The following STPG2 variants were observed in gnomAD, a reference collection of about 807,000 sequenced individuals.
STPG2 encodes sperm-tail PG-rich repeat-containing protein 2.
In STPG2, 56 loss-of-function variants were observed where a neutral mutation model predicts 54.2. The observed-to-expected ratio is 1.03, with a 90% CI of 0.83 to 1.29. The LOEUF (loss-of-function observed/expected upper bound fraction) is 1.29, where lower values mean the gene tolerates loss of function less well. STPG2 is among the 50% of genes most tolerant of loss of function. STPG2 has a pLI of 0.00. For synonymous variants in STPG2, 200 were observed against 181.8 expected, an observed-to-expected ratio of 1.10 and a Z score of -0.81; for missense variants, 596 against 544.9, an observed-to-expected ratio of 1.09 and a Z score of -0.93.
chr4:98,088,505 C>T (rs1738592710), intron 5 of STPG2, among the ~76,000 whole-genome samples: 2 of 151,914 alleles, frequency 1.3e-5, no homozygotes, highest in Admixed American at 1.3e-4. Context: ...AAAATACTCA[C>T]TTCAATAAAT....
chr4:97,894,329 C>T (rs1322894786), intron 8 of STPG2, among the ~76,000 whole-genome samples: 1 of 151,894 alleles, frequency 6.6e-6, no homozygotes, highest in Non-Finnish European at 1.5e-5. Flanking sequence ...CAATTTTCCT[C>T]ACAACATTCA....
chr4:97,704,175 G>C (rs923884532), intron 10 of STPG2, among the ~76,000 whole-genome samples: 8 of 151,964 alleles, frequency 5.3e-5, no homozygotes, highest in African/African-American at 1.5e-4. Flanking sequence ...TCAGTATTTT[G>C]AATACTCTGT....
At chr4:97,664,623 A>G (rs1435796555) in intron 10 of STPG2, among the ~76,000 whole-genome samples, 1 of 152,170 alleles carries the variant, frequency 6.6e-6, no homozygotes, top group Non-Finnish European at 1.5e-5. Context: ...ATTTTTAAGA[A>G]GTTTCCTTGT....
intron 4 of STPG2, among the ~76,000 whole-genome samples, chr4:97,456,552 G>T (rs76120284): frequency 0.096 from 14,602 of 151,990 alleles, 874 homozygotes; most frequent in South Asian, 0.19. Context: ...TACTGACAAA[G>T]GAATGTTATA....
intron 7 of STPG2, among the ~76,000 whole-genome samples, chr4:97,966,631 G>A (rs1454588689): frequency 1.3e-5 from 2 of 152,116 alleles, no homozygotes; most frequent in Non-Finnish European, 2.9e-5. Flanking sequence ...GAGAAAGGTC[G>A]GGTTACCCAC....
At chr4:97,954,163 G>C (rs929174699) in intron 7 of STPG2, among the ~76,000 whole-genome samples, 9 of 152,100 alleles carry the variant, frequency 5.9e-5, no homozygotes, top group African/African-American at 1.9e-4. Flanking sequence ...GTTTACAAAA[G>C]ACCACATTTC....
At chr4:98,002,907 A>T (rs190067345) in intron 5 of STPG2, among the ~76,000 whole-genome samples, 168 of 152,234 alleles carry the variant, frequency 1.1e-3, no homozygotes, top group African/African-American at 3.9e-3. Flanking sequence ...CCAGCCATAC[A>T]TTTTTAAATT....
chr4:98,066,212 A>T lies in STPG2; in HGVS notation c.612+39741T>A, dbSNP rs111284571. Reference sequence around the variant, plus strand: ...GCAAATGTCATCCAACCTGACTCTCATAAAAGGAAAATTCAGTATGGGATA... The same window carrying T: ...GCAAATGTCATCCAACCTGACTCTCTTAAAAGGAAAATTCAGTATGGGATA... On this transcript the variant is annotated intron_variant, in intron 5 of 10. Transcript: ENST00000295268. Among the ~76,000 whole-genome samples the T allele has an allele frequency of 5.8e-3, 891 of 152,332 alleles. 6 individuals are homozygous for T. The highest frequency in any genetic ancestry group is 0.02 in the Middle Eastern group (6 of 294).
At chr4:97,917,325 T>A (rs1278957439) in intron 8 of STPG2, 1 of 152,220 alleles carries the variant, frequency 6.6e-6, no homozygotes, top group Non-Finnish European at 1.5e-5. Context: ...AGCGCGGTAG[T>A]GCCGGCCGCA....
At chr4:97,937,294 T>A (rs1254506193) in intron 8 of STPG2, among the ~76,000 whole-genome samples, 4 of 152,048 alleles carry the variant, frequency 2.6e-5, no homozygotes, top group Non-Finnish European at 5.9e-5. Flanking sequence ...TTTATCATGG[T>A]TCTCAGCTTC....
At chr4:97,901,359 T>A (rs1213282690) in intron 8 of STPG2, among the ~76,000 whole-genome samples, 1 of 151,744 alleles carries the variant, frequency 6.6e-6, no homozygotes, top group Non-Finnish European at 1.5e-5. Flanking sequence ...AAAAAAATAA[T>A]AAAAGGCATC....
In STPG2 at chr4:97,908,938, C is replaced by T. The variant is rs1210814237; in HGVS notation, c.1044+34959G>A. ...CTAGATGACAAGTTAGTGGGTGCAG[C>T]GCACCAGCATGGCACATGTATACAT... On this transcript the variant is annotated intron_variant, in intron 8 of 10. Transcript: ENST00000295268. Among the ~76,000 whole-genome samples the T allele has an allele frequency of 1.2e-4, 18 of 150,880 alleles. No individual in the cohort carries two copies. The East Asian group carries it at 1.8e-3, about 15-fold the overall frequency.
At chr4:97,806,401 C>T (rs1238227175) in intron 9 of STPG2, among the ~76,000 whole-genome samples, 3 of 152,220 alleles carry the variant, frequency 2.0e-5, no homozygotes, top group African/African-American at 7.2e-5. Context: ...GAAAAACAAT[C>T]GCTTGGGTAC....
intron 9 of STPG2, among the ~76,000 whole-genome samples, chr4:97,832,997 T>C (rs967582994): frequency 1.3e-5 from 2 of 152,160 alleles, no homozygotes; most frequent in South Asian, 4.1e-4. Flanking sequence ...CTTCTCAGTA[T>C]TGGAAAAAAC....
At chr4:97,671,976 CT>C (rs1722710450) in intron 10 of STPG2, among the ~76,000 whole-genome samples, 1 of 152,018 alleles carries the variant, frequency 6.6e-6, no homozygotes, top group Non-Finnish European at 1.5e-5. Flanking sequence ...GCTGGTACTA[CT>C]ACTATTATTG....
At chr4:98,132,948 TAAAAAAAAAAAA>T (rs200375140) in intron 2 of STPG2, among the ~76,000 whole-genome samples, 3 of 101,572 alleles carry the variant, frequency 3.0e-5, no homozygotes, top group East Asian at 3.3e-4. Flanking sequence ...TGAAATGAAC[TAAAAAAAAAAAA>T]AAAAAAAAAA....
At chr4:98,044,944 T>C (rs1419552677) in intron 5 of STPG2, among the ~76,000 whole-genome samples, 1 of 152,082 alleles carries the variant, frequency 6.6e-6, no homozygotes, top group Non-Finnish European at 1.5e-5. Context: ...CCTTTTATTC[T>C]CTATTCTATC....
At chr4:97,862,583 G>C (rs1363358352) in intron 8 of STPG2, among the ~76,000 whole-genome samples, 1 of 152,044 alleles carries the variant, frequency 6.6e-6, no homozygotes, top group Non-Finnish European at 1.5e-5. Context: ...ATTCAGCTCT[G>C]CACCAAGCAG....
intron 5 of STPG2, among the ~76,000 whole-genome samples, chr4:98,063,809 G>T (rs928264383): frequency 5.3e-5 from 8 of 152,102 alleles, no homozygotes; most frequent in African/African-American, 1.9e-4. Context: ...GGAGGCCGAG[G>T]TGGGAGGATC....
Sources: gnomAD v4.1 joint callset for allele counts (sites outside exome capture counted in the v4.1 genomes callset) on GRCh38, gnomAD v4.1.1 for gene constraint, MANE v1.5 for transcripts, NCBI Gene and HGNC (gene_info 2026-07-23, HGNC 2026-07-21) for gene names.